Variants in EI24 observed in about 807,000 individuals in gnomAD.
EI24 encodes the protein EI24 autophagy associated transmembrane protein.
In EI24, 21 loss-of-function variants were observed where a neutral mutation model predicts 48.6. The ratio of observed to expected loss-of-function variants is 0.43; its 90% CI spans 0.31 to 0.62. The LOEUF (loss-of-function observed/expected upper bound fraction) is 0.62, where lower values mean the gene tolerates loss of function less well. Among genes scored for constraint, EI24 ranks in the 20% least tolerant of loss-of-function variants. The pLI, the probability that EI24 is intolerant of heterozygous loss-of-function variation, is 0.10. For missense variants in EI24, 280 were observed against 410.5 expected, an observed-to-expected ratio of 0.68 and a Z score of 2.75; for synonymous variants, 114 against 145.5, an observed-to-expected ratio of 0.78 and a Z score of 1.56.
rs1449890036 is a variant in EI24, at chr11:125,572,506, T to C, written c.-22T>C. 2 of 1,612,990 alleles carry C rather than the reference T, an allele frequency of 1.2e-6. No homozygotes were observed. The highest frequency in any genetic ancestry group is 4.5e-5 in the East Asian group (2 of 44,876). On this transcript the variant is annotated 5_prime_UTR_variant, in exon 2 of 11. Transcript: ENST00000278903. ...GGACACTTCTCTCTCCTGTGTGTAG[T>C]TGATAGTTTGGTGGTGAAGAGATGG...
intron 7 of EI24, among the ~76,000 whole-genome samples, chr11:125,579,876 C>T (rs1938919566): frequency 6.6e-6 from 1 of 152,064 alleles, no homozygotes; most frequent in Non-Finnish European, 1.5e-5. Flanking sequence ...GTTGCCCAGT[C>T]TGGTCTTTAA....
chr11:125,581,627 A>G (rs1591361093), intron 9 of EI24, among the ~76,000 whole-genome samples: 1 of 132,710 alleles, frequency 7.5e-6, no homozygotes, highest in African/African-American at 2.8e-5. Context: ...GCTCACTGCA[A>G]CCTCCGCCTC....
chr11:125,570,198 T>A (rs528875751), intron 1 of EI24: 133 of 152,362 alleles, frequency 8.7e-4, no homozygotes, highest in African/African-American at 3.1e-3. Flanking sequence ...GAGGTAACGT[T>A]AGAACACCGG....
chr11:125,584,074 G>A lies in EI24; in HGVS notation c.*391G>A, dbSNP rs1309017525. 3 of 209,258 alleles carry A rather than the reference G, an allele frequency of 1.4e-5. No homozygotes were observed. The highest frequency in any genetic ancestry group is 2.9e-5 in the Non-Finnish European group (3 of 101,696). 13.0% of individuals were successfully genotyped at this position (209,258 alleles called of 1,614,324 possible). ...TTTGTAATTCTAGCTGTTGTATTTTGTGAATTTGTTAATTTTGTTGTTTTT... is the reference window on the plus strand; with the variant it reads ...TTTGTAATTCTAGCTGTTGTATTTTATGAATTTGTTAATTTTGTTGTTTTT... On this transcript the variant is annotated 3_prime_UTR_variant, in exon 11 of 11. Transcript: ENST00000278903.
rs939144575 is a variant in EI24, at chr11:125,584,125, G to A, written c.*442G>A. 1 of 173,058 alleles carries A rather than the reference G, an allele frequency of 5.8e-6. No individual in the cohort carries two copies. The highest frequency in any genetic ancestry group is 6.3e-5 in the Admixed American group (1 of 15,760). The allele number at this position is 173,058 out of a possible 1,614,324, so 10.7% of individuals were successfully genotyped here. A position where few individuals can be genotyped will look rare whatever the true frequency, so the allele number is the denominator to read the frequency against. On this transcript the variant is annotated 3_prime_UTR_variant, in exon 11 of 11. Transcript: ENST00000278903. ...CTGTGAAACACATACATTGGATATGGGAGGTAAAGGAGTGTCCCAGTTGCT... is the reference window on the plus strand; with the variant it reads ...CTGTGAAACACATACATTGGATATGAGAGGTAAAGGAGTGTCCCAGTTGCT...
rs372020304 is a variant in EI24, at chr11:125,580,047, G to C, written c.562-46G>C. 2.9e-5 allele frequency: 42 copies of C among 1,453,970 alleles called. No homozygotes were observed. In the African/African-American group the frequency reaches 5.2e-4, roughly 18 times the overall value. 90.1% of individuals were successfully genotyped at this position (1,453,970 alleles called of 1,614,324 possible). A position where few individuals can be genotyped will look rare whatever the true frequency, so the allele number is the denominator to read the frequency against. ...GGAGAGTGACAGGTGAATGGTGCTA[G>C]GTTTCCGAGGCTTTGGGATTAAGAT... On this transcript the variant is annotated intron_variant, in intron 7 of 10. Coordinates refer to ENST00000278903, the MANE Select transcript of EI24 (RefSeq NM_004879.5).
intron 7 of EI24, 46 bp downstream of exon 7, chr11:125,579,114 A>G (rs2135866035): frequency 1.3e-6 from 2 of 1,532,120 alleles, no homozygotes; most frequent in East Asian, 2.5e-5. Context: ...TTAAAAAGAA[A>G]AACTGTTTCA....
intron 1 of EI24, among the ~76,000 whole-genome samples, chr11:125,571,703 C>T (rs1456307380): frequency 6.6e-6 from 1 of 151,822 alleles, no homozygotes; most frequent in Non-Finnish European, 1.5e-5. Flanking sequence ...ATGGCGAAAC[C>T]CCATCTCTAC....
chr11:125,579,959 C>A (rs1938924942), intron 7 of EI24, 134 bp from the exon 8 acceptor site: 2 of 726,352 alleles, frequency 2.8e-6, no homozygotes, highest in Non-Finnish European at 4.9e-6. Flanking sequence ...TCACTGTGCC[C>A]ACCCTGCACT....
rs1938691921 is a variant in EI24, at chr11:125,575,282, G to T, written c.62G>T (p.Trp21Leu). The T allele has an allele frequency of 1.9e-6, 3 of 1,549,962 alleles. No individual in the cohort carries two copies. The highest frequency in any genetic ancestry group is 1.2e-5 in the South Asian group (1 of 83,904). The change falls in exon 3 of 11, where the codon TGG becomes TTG. Residue 21 changes from tryptophan to leucine, a missense_variant. Trp to Leu is a moderately conservative substitution (Grantham distance 61). Around this residue, in one of 3 missense-constraint regions of EI24, gnomAD observed 204 missense variants for 294.1 expected, o/e 0.69. Transcript: ENST00000278903. ...DLARGIKDSI[W>L]GICTISKLDA... Reference sequence around the variant, plus strand: ...CTATAGGGAATCAAAGACTCCATCTGGGGTATTTGTACCATCTCAAAGCTA... The same window carrying T: ...CTATAGGGAATCAAAGACTCCATCTTGGGTATTTGTACCATCTCAAAGCTA...
intron 8 of EI24, 73 bp downstream of exon 8, chr11:125,580,277 A>T: frequency 1.8e-6 from 2 of 1,109,318 alleles, no homozygotes. Flanking sequence ...GACTTCTTAA[A>T]CTACTCATAG....
rs1938521586 is a variant in EI24 at position 125,571,179 on chromosome 11, T to C, written c.-70-1279T>C. ...GGTTAAAGGTCGGGGAAAGTGTGCT[T>C]ATATTTTGAAATTTAAGGTTTGTAC... On this transcript the variant is annotated intron_variant, in intron 1 of 10. Transcript: ENST00000278903. Among the ~76,000 whole-genome samples the C allele has an allele frequency of 5.3e-5, 8 of 152,208 alleles. No individual in the cohort carries two copies. The South Asian group carries it at 1.7e-3, about 31-fold the overall frequency.
At chr11:125,573,739 T>G (rs1352731546) in intron 2 of EI24, among the ~76,000 whole-genome samples, 3 of 129,712 alleles carry the variant, frequency 2.3e-5, no homozygotes, top group Non-Finnish European at 4.6e-5. Flanking sequence ...TGGAGGGCAG[T>G]GGTGCAATCT....
chr11:125,571,402 A>G (rs1295028059), intron 1 of EI24, among the ~76,000 whole-genome samples: 2 of 152,242 alleles, frequency 1.3e-5, no homozygotes, highest in African/African-American at 4.8e-5. Flanking sequence ...TATTTCTCAC[A>G]TGAACTCTCA....
At position 125,582,558 on chromosome 11, in the gene EI24, A is replaced by G. The variant is rs562432902; in HGVS notation, c.860+138A>G. On this transcript the variant is annotated intron_variant, in intron 10 of 10. Transcript: ENST00000278903. The stretch of plus-strand genomic sequence containing the variant: ...ATATAAGGTTTAATGAGAGAGAAAC[A>G]CTTCTGGGATATAACCCAAACTTTT... The G allele has an allele frequency of 6.9e-5, 46 of 665,324 alleles. No homozygotes were observed. The Middle Eastern group carries it at 1.9e-3, about 28-fold the overall frequency. 41.2% of individuals were successfully genotyped at this position (665,324 alleles called of 1,614,324 possible). A position where few individuals can be genotyped will look rare whatever the true frequency, so the allele number is the denominator to read the frequency against.
In EI24 at chr11:125,569,567, G is replaced by T; in HGVS notation, c.-77G>T. 2.7e-6 allele frequency: 1 copy of T among 370,716 alleles called. No homozygotes were observed. 23.0% of individuals were successfully genotyped at this position (370,716 alleles called of 1,614,324 possible). A position where few individuals can be genotyped will look rare whatever the true frequency, so the allele number is the denominator to read the frequency against. The stretch of plus-strand genomic sequence containing the variant: ...GCAGGGCCGGAGCCGCGGCGGCGGA[G>T]CTGTGGGTAGGTGCGGGCTCAGCCG... On this transcript the variant is annotated 5_prime_UTR_variant, in exon 1 of 11. Transcript: ENST00000278903.
At chr11:125,573,354 A>G (rs1278660829) in intron 2 of EI24, 1 of 167,164 alleles carries the variant, frequency 6.0e-6, no homozygotes, top group African/African-American at 2.4e-5. Context: ...AAGCCTAATA[A>G]TGTCTCACTT....
intron 2 of EI24, among the ~76,000 whole-genome samples, chr11:125,573,997 T>C (rs996506556): frequency 5.9e-5 from 9 of 152,052 alleles, no homozygotes; most frequent in African/African-American, 1.9e-4. Flanking sequence ...TGATCTACTT[T>C]TAACATCTTT....
At chr11:125,581,050 C>G (rs1410556356) in intron 8 of EI24, 161 bp from the exon 9 acceptor site, 2 of 185,950 alleles carry the variant, frequency 1.1e-5, no homozygotes, top group African/African-American at 4.8e-5. Context: ...GCACTCCCGC[C>G]TGGGCATCAA....
Sources: gnomAD v4.1 joint callset for allele counts (sites outside exome capture counted in the v4.1 genomes callset) on GRCh38, gnomAD v4.1.1 for gene constraint, gnomAD v4.1.1 regional missense constraint, MANE v1.5 for transcripts, NCBI Gene and HGNC (gene_info 2026-07-23, HGNC 2026-07-21) for gene names.